Variants in GRIN2B observed in about 807,000 individuals in gnomAD.
The protein encoded by GRIN2B is glutamate receptor ionotropic, NMDA 2B.
GRIN2B carries 5 observed loss-of-function variants against 114.5 expected under a neutral mutation model. The observed-to-expected ratio is 0.04, with a 90% CI of 0.02 to 0.09. The LOEUF (loss-of-function observed/expected upper bound fraction) is 0.09, where lower values mean the gene tolerates loss of function less well. Among genes scored for constraint, GRIN2B ranks in the 10% least tolerant of loss-of-function variants. The probability of loss-of-function intolerance (pLI) is 1.00; values close to 1 mark genes in which losing one functional copy is unlikely to be tolerated. For missense variants in GRIN2B, 1,108 were observed against 1,943.5 expected (o/e 0.57, Z 8.08); for synonymous variants, 787 against 745.1 (o/e 1.06, Z -0.92).
intron 2 of GRIN2B, among the ~76,000 whole-genome samples, chr12:13,964,033 T>A (rs1178814788): frequency 3.3e-5 from 5 of 152,216 alleles, no homozygotes; most frequent in Non-Finnish European, 5.9e-5. Context: ...TCTCTGGCTG[T>A]GGCTAGAATT....
intron 2 of GRIN2B, among the ~76,000 whole-genome samples, chr12:13,978,628 T>C (rs1397867297): frequency 6.6e-6 from 1 of 152,220 alleles, no homozygotes; most frequent in Non-Finnish European, 1.5e-5. Flanking sequence ...GTGGTGGTAA[T>C]ACTTTTAGGA....
chr12:13,603,129 G>A (rs1034937963), intron 10 of GRIN2B, among the ~76,000 whole-genome samples: 1 of 152,078 alleles, frequency 6.6e-6, no homozygotes, highest in Non-Finnish European at 1.5e-5. Context: ...CTATACACAG[G>A]CTAAAGTCAA....
At chr12:13,830,609 T>C (rs950382927) in intron 3 of GRIN2B, among the ~76,000 whole-genome samples, 3 of 152,212 alleles carry the variant, frequency 2.0e-5, no homozygotes, top group Non-Finnish European at 4.4e-5. Flanking sequence ...TGTATATATA[T>C]TGACACACAA....
intron 4 of GRIN2B, among the ~76,000 whole-genome samples, chr12:13,721,979 G>T (rs565394492): frequency 1.3e-5 from 2 of 152,052 alleles, no homozygotes; most frequent in South Asian, 2.1e-4. Flanking sequence ...TTTCAGTAAG[G>T]AATCTGTCAT....
Position 13,753,293 on chromosome 12 carries a change from A to G in GRIN2B, c.1010+24T>C, listed in dbSNP as rs184534803. On this transcript the variant is annotated intron_variant, in intron 4 of 13. Coordinates refer to ENST00000609686, the MANE Select transcript of GRIN2B (RefSeq NM_000834.5). The surrounding 1 kb of genome is among the most constrained non-coding windows in gnomAD (Gnocchi z 6.2). ...AGCTCCCCTCTCATCTCCACCATCA[A>G]TGTGCCCTCTGTTCCACACTCACCT... The G allele has an allele frequency of 1.1e-3, 1,424 of 1,296,798 alleles. 18 individuals carry two copies. The highest frequency in any genetic ancestry group is 9.9e-5 in the Non-Finnish European group (88 of 890,594). The allele number at this position is 1,296,798 out of a possible 1,614,324, so 80.3% of individuals were successfully genotyped here. A position where few individuals can be genotyped will look rare whatever the true frequency, so the allele number is the denominator to read the frequency against.
chr12:13,919,301 G>C (rs192442910), intron 2 of GRIN2B, among the ~76,000 whole-genome samples: 1 of 152,122 alleles, frequency 6.6e-6, no homozygotes, highest in South Asian at 2.1e-4. Context: ...TATCATGTAC[G>C]TAAAAAGCCA....
intron 3 of GRIN2B, among the ~76,000 whole-genome samples, chr12:13,857,991 AC>A (rs915470982): frequency 3.5e-5 from 5 of 144,338 alleles, no homozygotes; most frequent in African/African-American, 1.2e-4. Context: ...CCAGTGAACC[AC>A]CCCCAGCAGC....
At chr12:13,781,062 T>C (rs1442548783) in intron 3 of GRIN2B, among the ~76,000 whole-genome samples, 1 of 152,042 alleles carries the variant, frequency 6.6e-6, no homozygotes, top group Non-Finnish European at 1.5e-5. Flanking sequence ...AATAAAAAAA[T>C]AACATGGAGA....
intron 4 of GRIN2B, among the ~76,000 whole-genome samples, chr12:13,711,817 T>C (rs1339561167): frequency 2.6e-5 from 4 of 152,180 alleles, no homozygotes. Flanking sequence ...GAAGTCAGTG[T>C]GGCGATTCCT....
intron 3 of GRIN2B, among the ~76,000 whole-genome samples, chr12:13,836,778 GGTGA>G (rs1191553012): frequency 6.6e-6 from 1 of 151,802 alleles, no homozygotes; most frequent in African/African-American, 2.4e-5. Context: ...AGCTCCAGCA[GGTGA>G]GGGCCAAGCC....
chr12:13,673,334 G>T (rs1365702833), intron 5 of GRIN2B, among the ~76,000 whole-genome samples: 1 of 152,070 alleles, frequency 6.6e-6, no homozygotes, highest in East Asian at 1.9e-4. Flanking sequence ...TTGTGAGACA[G>T]GAAATCATGA....
rs565381181 is a variant in GRIN2B, at chr12:13,744,835, C to A, written c.1010+8482G>T. On this transcript the variant is annotated intron_variant, in intron 4 of 13. Transcript: ENST00000609686. ...CCATGTCCTCCCGGAAGAGGACGCG[C>A]CACCAAAAATTTCTGAAAGCCGAGG... Among the ~76,000 whole-genome samples, 47 of 152,226 alleles carry A rather than the reference C, an allele frequency of 3.1e-4. No homozygotes were observed. The South Asian group carries it at 3.1e-3, about 10-fold the overall frequency.
intron 3 of GRIN2B, among the ~76,000 whole-genome samples, chr12:13,779,162 G>A (rs553897475): frequency 1.3e-5 from 2 of 152,260 alleles, no homozygotes; most frequent in South Asian, 2.1e-4. Context: ...TCCTGCCTCA[G>A]CCTCCCAAGT....
chr12:13,970,769 T>C (rs1457351508), intron 2 of GRIN2B, among the ~76,000 whole-genome samples: 1 of 151,226 alleles, frequency 6.6e-6, no homozygotes, highest in Non-Finnish European at 1.5e-5. Context: ...AGCATTCTCC[T>C]ACTCAGGAAA....
chr12:13,885,407 C>A (rs1866138789), intron 2 of GRIN2B, among the ~76,000 whole-genome samples: 1 of 152,118 alleles, frequency 6.6e-6, no homozygotes. Flanking sequence ...AGTATACATT[C>A]CTAAGAGATC....
At chr12:13,607,372 TATTA>T (rs1949285957) in intron 10 of GRIN2B, among the ~76,000 whole-genome samples, 1 of 40,530 alleles carries the variant, frequency 2.5e-5, no homozygotes, top group Admixed American at 5.9e-4. Flanking sequence ...ATATATTATA[TATTA>T]TATATATAAT....
chr12:13,924,620 A>T (rs1785106587), intron 2 of GRIN2B, among the ~76,000 whole-genome samples: 1 of 152,186 alleles, frequency 6.6e-6, no homozygotes, highest in African/African-American at 2.4e-5. Flanking sequence ...TAGGAAATCC[A>T]CTGATCCTGT....
chr12:13,607,380 A>AT lies in GRIN2B; in HGVS notation c.2010+1222dup, dbSNP rs1565473785. ...ATATAATATATATTATATATTATAT[A>AT]TATAATATATATTATATATAATATA... On this transcript the variant is annotated intron_variant, in intron 10 of 13. Transcript: ENST00000609686. Among the ~76,000 whole-genome samples the AT allele has an allele frequency of 3.8e-3, 279 of 72,826 alleles. 9 individuals are homozygous for AT. Among genetic ancestry groups the AT allele is most frequent in the Non-Finnish European group, 5.2e-3 (213 of 40,762 alleles). The allele number at this position is 72,826 out of a possible 152,430, so 47.8% of individuals were successfully genotyped here.
In GRIN2B at chr12:13,546,005, C is replaced by G. The variant is rs1456604615; in HGVS notation, c.*16778G>C. The G allele has an allele frequency of 6.6e-6, 1 of 152,048 alleles. No individual in the cohort carries two copies. The highest frequency in any genetic ancestry group is 1.5e-5 in the Non-Finnish European group (1 of 67,996). The allele number at this position is 152,048 out of a possible 1,614,324, so 9.4% of individuals were successfully genotyped here. On this transcript the variant is annotated 3_prime_UTR_variant, in exon 14 of 14. Transcript: ENST00000609686. Reference sequence around the variant, plus strand: ...CTAGCAATTTTCTTTCTGAAGTAAACAGTAATCACATTAACAACCTAGTGA... The same window carrying G: ...CTAGCAATTTTCTTTCTGAAGTAAAGAGTAATCACATTAACAACCTAGTGA...
Sources: allele counts gnomAD v4.1 joint callset (sites outside exome capture counted in the v4.1 genomes callset), GRCh38; gene constraint gnomAD v4.1.1; non-coding constraint Gnocchi (gnomAD v3.1); transcripts MANE v1.5; gene names NCBI Gene and HGNC (gene_info 2026-07-23, HGNC 2026-07-21).